Variants in CPS1 observed in about 807,000 individuals in gnomAD.
CPS1 encodes carbamoyl-phosphate synthase [ammonia], mitochondrial.
A neutral mutation model predicts 174.6 loss-of-function variants in CPS1; 109 were observed. The observed-to-expected ratio is 0.62, with a 90% CI of 0.53 to 0.73. The LOEUF is 0.73. Among genes scored for constraint, CPS1 ranks in the 30% least tolerant of loss-of-function variants. CPS1 has a pLI of 0.00. For synonymous variants in CPS1, 637 were observed against 632.0 expected, an observed-to-expected ratio of 1.01 and a Z score of -0.12; for missense variants, 1,689 against 1,821.9, an observed-to-expected ratio of 0.93 and a Z score of 1.33.
At chr2:210,663,325 T>G in intron 33 of CPS1, 128 bp downstream of exon 33, 1 of 853,536 alleles carries the variant, frequency 1.2e-6, no homozygotes, top group Non-Finnish European at 1.8e-6. Flanking sequence ...AAAGAGCTTA[T>G]GAATTTTGAA....
At chr2:210,622,215 A>G (rs1025518511) in intron 21 of CPS1, among the ~76,000 whole-genome samples, 2 of 151,658 alleles carry the variant, frequency 1.3e-5, no homozygotes, top group Non-Finnish European at 2.9e-5. Flanking sequence ...ACTTACATGT[A>G]AGTATATACC....
Position 210,602,236 on chromosome 2 carries a change from G to A in CPS1, c.1742G>A (p.Gly581Asp). ...EDALKAADTI[G>D]YPVMIRSAYA... ...GCACTGAAGGCAGCAGACACCATTG[G>A]CTACCCAGTGATGATCCGTTCCGCC... Residue 581 changes from glycine to aspartate, a missense_variant, in exon 16 of 38, where the codon GGC (glycine) becomes GAC (aspartate). Physicochemically the swap from Gly to Asp is moderately conservative, Grantham distance 94. Transcript: ENST00000233072. The A allele has an allele frequency of 6.2e-7, 1 of 1,612,416 alleles. No individual in the cohort carries two copies. Among genetic ancestry groups the A allele is most frequent in the Non-Finnish European group, 8.5e-7 (1 of 1,179,074 alleles).
Position 210,648,010 on chromosome 2 carries a change from G to A in CPS1, c.3289G>A (p.Asp1097Asn). ...TCGCTCCATCTTCTCAGCTGTCTTGGATGAGCTGAAGGTGGCTCAGGCACC... is the reference window on the plus strand; with the variant it reads ...TCGCTCCATCTTCTCAGCTGTCTTGAATGAGCTGAAGGTGGCTCAGGCACC... ...EDRSIFSAVL[D>N]ELKVAQAPWK... Residue 1097 changes from aspartate (D) to asparagine (N), a missense_variant, in exon 26 of 38, where the codon GAT becomes AAT. Transcript: ENST00000233072. The A allele has an allele frequency of 6.2e-7, 1 of 1,614,064 alleles. No homozygotes were observed. Among genetic ancestry groups the A allele is most frequent in the Non-Finnish European group, 8.5e-7 (1 of 1,179,940 alleles).
At chr2:210,497,608 G>T (rs922975566) in intron 1 of CPS1, among the ~76,000 whole-genome samples, 3 of 151,986 alleles carry the variant, frequency 2.0e-5, no homozygotes, top group South Asian at 2.1e-4. Context: ...TGAGTACTCA[G>T]TGTTTAGGTC....
chr2:210,495,170 C>G lies in CPS1; in HGVS notation c.3+17404C>G, dbSNP rs191353329. On this transcript the variant is annotated intron_variant, in intron 1 of 38. Transcript: ENST00000430249. ...CCTCAATTTTGCTACTAACTTCATT[C>G]TTTTTTATGGTTTACTTAACCCTGT... Among the ~76,000 whole-genome samples, 546 of 152,264 alleles carry G rather than the reference C, an allele frequency of 3.6e-3. 5 individuals are homozygous for G. The highest frequency in any genetic ancestry group is 0.012 in the African/African-American group (492 of 41,548).
chr2:210,559,439 G>A (rs368484814), intron 1 of CPS1, among the ~76,000 whole-genome samples: 1 of 152,074 alleles, frequency 6.6e-6, no homozygotes, highest in African/African-American at 2.4e-5. Context: ...CTGGGTATTT[G>A]TCAGCGGCTA....
Position 210,678,291 on chromosome 2 carries a change from GA to G in CPS1, c.*307del. On this transcript the variant is annotated 3_prime_UTR_variant, in exon 38 of 38. Transcript: ENST00000233072. ...ACTTTTTATGGTGCTGATTAATGGT[GA>G]TCAAGGTAGGAAAAGTTGCTGTTCT... The G allele has an allele frequency of 5.0e-6, 2 of 403,944 alleles. No homozygotes were observed. The highest frequency in any genetic ancestry group is 3.8e-5 in the Admixed American group (1 of 26,194). 25.0% of individuals were successfully genotyped at this position (403,944 alleles called of 1,614,324 possible).
chr2:210,656,689 T>G, intron 30 of CPS1, 57 bp downstream of exon 30: 5 of 1,072,948 alleles, frequency 4.7e-6, no homozygotes, highest in Non-Finnish European at 7.0e-6. Flanking sequence ...AAAAAACACC[T>G]AAGGTTTTTT....
rs574518275 is a variant in CPS1, at chr2:210,641,497, C to A, written c.2960-987C>A. Among the ~76,000 whole-genome samples the A allele has an allele frequency of 6.6e-5, 10 of 152,162 alleles. No homozygotes were observed. The East Asian group carries it at 1.9e-3, about 30-fold the overall frequency. On this transcript the variant is annotated intron_variant, in intron 24 of 37. Coordinates refer to ENST00000233072, the MANE Select transcript of CPS1 (RefSeq NM_001875.5). Reference sequence around the variant, plus strand: ...ATGAACTAAAACCCTCCTAAAAGGCCCCACCTCCCAGCACTGTTGCATTGG... The same window carrying A: ...ATGAACTAAAACCCTCCTAAAAGGCACCACCTCCCAGCACTGTTGCATTGG...
At chr2:210,562,927 A>C (rs1034321637) in intron 1 of CPS1, among the ~76,000 whole-genome samples, 1 of 148,544 alleles carries the variant, frequency 6.7e-6, no homozygotes, top group Non-Finnish European at 1.5e-5. Context: ...TTAAGGCTTT[A>C]CAGGCAGAAC....
chr2:210,537,979 A>G (rs1006459684), intron 1 of CPS1, among the ~76,000 whole-genome samples: 8 of 152,194 alleles, frequency 5.3e-5, no homozygotes, highest in South Asian at 2.1e-4. Context: ...CTAAAACCAT[A>G]TAACTCTTAA....
intron 1 of CPS1, among the ~76,000 whole-genome samples, chr2:210,489,656 T>C (rs1694819073): frequency 6.6e-6 from 1 of 151,956 alleles, no homozygotes; most frequent in African/African-American, 2.4e-5. Context: ...ACCAAAAAAA[T>C]CATAAAGTGG....
intron 1 of CPS1, among the ~76,000 whole-genome samples, chr2:210,567,309 G>T (rs903545455): frequency 4.6e-5 from 7 of 151,946 alleles, no homozygotes; most frequent in Admixed American, 1.3e-4. Flanking sequence ...AGATGTACCA[G>T]GATTATACAT....
intron 1 of CPS1, among the ~76,000 whole-genome samples, chr2:210,486,089 T>G (rs114460526): frequency 0.22 from 29,886 of 137,668 alleles, 3,493 homozygotes; most frequent in Middle Eastern, 0.35. Context: ...TGTGTATATA[T>G]ATACATATAT....
intron 1 of CPS1, among the ~76,000 whole-genome samples, chr2:210,533,944 C>A (rs529641037): frequency 6.6e-6 from 1 of 152,280 alleles, no homozygotes; most frequent in Non-Finnish European, 1.5e-5. Context: ...ACAGGGCAAC[C>A]AATCACTAGA....
intron 19 of CPS1, 114 bp from the exon 20 acceptor site, chr2:210,611,998 TTATGA>T: frequency 1.1e-6 from 1 of 907,284 alleles, no homozygotes; most frequent in Non-Finnish European, 1.7e-6. Context: ...TTGAGAGGCT[TTATGA>T]TATATTTTTT....
intron 21 of CPS1, among the ~76,000 whole-genome samples, chr2:210,622,970 C>T (rs1025483289): frequency 6.6e-6 from 1 of 151,912 alleles, no homozygotes; most frequent in Non-Finnish European, 1.5e-5. Context: ...TGTATAATTT[C>T]GCTCTTTTAC....
chr2:210,663,189 A>T lies in CPS1; in HGVS notation c.3994A>T (p.Thr1332Ser). The change falls in exon 33 of 38, where the codon ACT becomes TCT. Residue 1332 changes from threonine to serine, a missense_variant. By Grantham distance (58) the Thr-to-Ser change is moderately conservative. Coordinates refer to ENST00000233072, the MANE Select transcript of CPS1 (RefSeq NM_001875.5). ...CATTCTGAGATGTGAGATGGCTTCC[A>T]CTGGAGAGGTAACTAGTTAATAATC... ...DPILRCEMAS[T>S]GEVACFGEGI... 1 of 1,613,254 alleles carries T rather than the reference A, an allele frequency of 6.2e-7. No individual in the cohort carries two copies. Among genetic ancestry groups the T allele is most frequent in the East Asian group, 2.2e-5 (1 of 44,848 alleles).
intron 16 of CPS1, among the ~76,000 whole-genome samples, chr2:210,604,507 G>T (rs1387040302): frequency 6.6e-6 from 1 of 151,794 alleles, no homozygotes; most frequent in Non-Finnish European, 1.5e-5. Flanking sequence ...AGGCATACAT[G>T]ATATATGACT....
Sources: gnomAD v4.1 joint callset for allele counts (sites outside exome capture counted in the v4.1 genomes callset) on GRCh38, gnomAD v4.1.1 for gene constraint, MANE v1.5 for transcripts, NCBI Gene and HGNC (gene_info 2026-07-23, HGNC 2026-07-21) for gene names.